ITM2C: variants seen among roughly 807,000 people sequenced by gnomAD.
ITM2C encodes integral membrane protein 2C.
ITM2C carries 20 observed loss-of-function variants against 30.0 expected under a neutral mutation model. That is an observed-to-expected ratio of 0.67 (90% CI 0.47 to 0.97). The LOEUF (loss-of-function observed/expected upper bound fraction) is 0.97, where lower values mean the gene tolerates loss of function less well. Among genes scored for constraint, ITM2C ranks in the 50% least tolerant of loss-of-function variants. The pLI, the probability that ITM2C is intolerant of heterozygous loss-of-function variation, is 0.00. For synonymous variants in ITM2C, 167 were observed against 156.4 expected, an observed-to-expected ratio of 1.07 and a Z score of -0.51; for missense variants, 366 against 371.9, an observed-to-expected ratio of 0.98 and a Z score of 0.13.
Position 230,875,818 on chromosome 2 carries a change from G to T in ITM2C, c.450+10G>T, listed in dbSNP as rs1697281553. 2.1e-6 allele frequency: 1 copy of T among 482,704 alleles called. No homozygotes were observed. 29.9% of individuals were successfully genotyped at this position (482,704 alleles called of 1,614,324 possible). ...CCATGACTTCCAGCGGGTGAGGCTGGCCAGGGCCTGGGGGTGGGGGGTGGG... is the reference window on the plus strand; with the variant it reads ...CCATGACTTCCAGCGGGTGAGGCTGTCCAGGGCCTGGGGGTGGGGGGTGGG... On this transcript the variant is annotated intron_variant, in intron 3 of 5. Transcript: ENST00000326427.
In ITM2C at chr2:230,877,345, G is replaced by A; in HGVS notation, c.562-55G>A. The A allele has an allele frequency of 1.1e-5, 18 of 1,590,050 alleles. No individual in the cohort carries two copies. Among genetic ancestry groups the A allele is most frequent in the Non-Finnish European group, 1.4e-5 (16 of 1,163,074 alleles). On this transcript the variant is annotated intron_variant, in intron 4 of 5. Transcript: ENST00000326427. This position sits in a 1 kb window ranked among gnomAD's most constrained non-coding sequence, Gnocchi z 4.8. ...AGGTGGGCTGGCATTTCGGGCGAGG[G>A]GTTGGACGAAAGCCTGAGGGGCCGA...
In ITM2C at chr2:230,879,195, A is replaced by G. The variant is rs1176030082; in HGVS notation, c.*1096A>G. 6.6e-6 allele frequency: 1 copy of G among 152,610 alleles called. No homozygotes were observed. The highest frequency in any genetic ancestry group is 2.4e-5 in the African/African-American group (1 of 41,420). 9.5% of individuals were successfully genotyped at this position (152,610 alleles called of 1,614,324 possible). Reference sequence around the variant, plus strand: ...CTTAAATGCTTTGTATATTTTCTCAATTAGATCTCTTTTCAGAAGTGTCTA... The same window carrying G: ...CTTAAATGCTTTGTATATTTTCTCAGTTAGATCTCTTTTCAGAAGTGTCTA... On this transcript the variant is annotated 3_prime_UTR_variant, in exon 6 of 6. Transcript: ENST00000326427.
At chr2:230,867,751 C>T (rs898959160) in intron 1 of ITM2C, among the ~76,000 whole-genome samples, 2 of 151,768 alleles carry the variant, frequency 1.3e-5, no homozygotes, top group East Asian at 1.9e-4. Context: ...CCTTCACTTC[C>T]AGGTTCAAGT....
At chr2:230,871,496 T>G (rs3098335) in intron 1 of ITM2C, among the ~76,000 whole-genome samples, 66,668 of 152,170 alleles carry the variant, frequency 0.44, 16,387 homozygotes, top group East Asian at 0.84. Context: ...GAGGGCCCTG[T>G]GCACTGTGGC....
intron 1 of ITM2C, among the ~76,000 whole-genome samples, chr2:230,870,164 C>T (rs1697128989): frequency 1.3e-5 from 2 of 152,218 alleles, no homozygotes; most frequent in Admixed American, 6.5e-5. Context: ...GTAAATACCC[C>T]GAGATCACAG....
At chr2:230,873,602 A>G in intron 2 of ITM2C, 45 bp downstream of exon 2, 1 of 1,554,286 alleles carries the variant, frequency 6.4e-7, no homozygotes, top group Non-Finnish European at 8.7e-7. Context: ...AGAAAGGGTC[A>G]TGTCTAGAGA....
chr2:230,876,488 C>CT (rs1324562046), intron 3 of ITM2C, among the ~76,000 whole-genome samples: 42 of 148,192 alleles, frequency 2.8e-4, no homozygotes, highest in Middle Eastern at 3.4e-3. Context: ...GGCCAAGCTG[C>CT]TTTTTTTTTT....
chr2:230,874,106 G>T (rs1429223336), intron 2 of ITM2C, among the ~76,000 whole-genome samples: 1 of 152,204 alleles, frequency 6.6e-6, no homozygotes, highest in African/African-American at 2.4e-5. Context: ...GGGAGGGAGT[G>T]TCGCTGTGTG....
chr2:230,878,229 T>G lies in ITM2C; in HGVS notation c.*130T>G. On this transcript the variant is annotated 3_prime_UTR_variant, in exon 6 of 6. Coordinates refer to ENST00000326427, the MANE Select transcript of ITM2C (RefSeq NM_030926.6). This position sits in a 1 kb window ranked among gnomAD's most constrained non-coding sequence, Gnocchi z 4.5. ...TCTATAGAGGTGACATGTCTCTCCATTCCTCTCCAACCCTGCCCACCTCCC... is the reference window on the plus strand; with the variant it reads ...TCTATAGAGGTGACATGTCTCTCCAGTCCTCTCCAACCCTGCCCACCTCCC... 1.2e-5 allele frequency: 7 copies of G among 565,750 alleles called. No homozygotes were observed. The highest frequency in any genetic ancestry group is 1.8e-5 in the Non-Finnish European group (6 of 332,812). 35.0% of individuals were successfully genotyped at this position (565,750 alleles called of 1,614,324 possible).
rs1490641606 is a variant in ITM2C, at chr2:230,869,528, G to A, written c.121-3889G>A. Among the ~76,000 whole-genome samples the A allele has an allele frequency of 2.0e-5, 3 of 152,312 alleles. No homozygotes were observed. The South Asian group carries it at 6.2e-4, about 32-fold the overall frequency. ...GCTGAGGACCAGGAGAGATGTGGGG[G>A]AGGTGAGATGAGACTGCCTCCCCAA... is the stretch of plus-strand genomic sequence containing the variant. On this transcript the variant is annotated intron_variant, in intron 1 of 5. Transcript: ENST00000326427.
intron 2 of ITM2C, among the ~76,000 whole-genome samples, chr2:230,875,049 C>T (rs985898667): frequency 1.5e-4 from 23 of 151,998 alleles, no homozygotes; most frequent in African/African-American, 5.1e-4. Context: ...CCTCCCCACC[C>T]GCCGTGTTAG....
intron 1 of ITM2C, among the ~76,000 whole-genome samples, chr2:230,868,463 T>TCACACACACACACA (rs10675424): frequency 1.3e-5 from 2 of 150,282 alleles, no homozygotes; most frequent in African/African-American, 4.9e-5. Flanking sequence ...GTGCCTGCAC[T>TCACACACACACACA]CACACACACA....
chr2:230,874,465 G>A (rs1005419930), intron 2 of ITM2C, among the ~76,000 whole-genome samples: 7 of 152,092 alleles, frequency 4.6e-5, no homozygotes, highest in Admixed American at 4.6e-4. Flanking sequence ...CCCTACCCTA[G>A]GACCTGGGCC....
At chr2:230,867,894 G>T (rs1170206961) in intron 1 of ITM2C, among the ~76,000 whole-genome samples, 1 of 152,142 alleles carries the variant, frequency 6.6e-6, no homozygotes, top group Non-Finnish European at 1.5e-5. Context: ...CCTGACCTCA[G>T]GTGATCTTCC....
In ITM2C at chr2:230,865,941, CG is replaced by C. The variant is rs1223411359; in HGVS notation, c.120+799del. 6.8e-6 allele frequency among the ~76,000 whole-genome samples: 1 copy of C among 146,390 alleles called. No homozygotes were observed. Among genetic ancestry groups the C allele is most frequent in the Non-Finnish European group, 1.5e-5 (1 of 66,634 alleles). ...CCAGTGCCCTTGCATCCTGGGTCCCCGGGCTCTGTGCGCGTTCCCCCACCCC... is the reference window on the plus strand; with the variant it reads ...CCAGTGCCCTTGCATCCTGGGTCCCCGGCTCTGTGCGCGTTCCCCCACCCC... On this transcript the variant is annotated intron_variant, in intron 1 of 5. Coordinates refer to ENST00000326427, the MANE Select transcript of ITM2C (RefSeq NM_030926.6). The surrounding 1 kb of genome is among the most constrained non-coding windows in gnomAD (Gnocchi z 6.8).
At chr2:230,866,278 C>T (rs1032549642) in intron 1 of ITM2C, among the ~76,000 whole-genome samples, 3 of 152,252 alleles carry the variant, frequency 2.0e-5, no homozygotes, top group African/African-American at 7.2e-5. Flanking sequence ...CCACTGCTTC[C>T]CCACTTCCAG....
Position 230,875,611 on chromosome 2 carries a change from C to T in ITM2C, c.262-9C>T, listed in dbSNP as rs771886729. ...TCTGACTGTCTGTCTGTCTCTCCGC[C>T]TTGCTCAGCTGGCCCGAGATAACTT... On this transcript the variant is annotated splice_polypyrimidine_tract_variant and intron_variant, in intron 2 of 5. Transcript: ENST00000326427. 2.5e-6 allele frequency: 4 copies of T among 1,591,210 alleles called. No individual in the cohort carries two copies. Among genetic ancestry groups the T allele is most frequent in the Non-Finnish European group, 3.4e-6 (4 of 1,168,296 alleles).
Position 230,875,721 on chromosome 2 carries a change from C to A in ITM2C, c.363C>A (p.Tyr121Ter). The change falls in exon 3 of 6, where the codon TAC becomes TAA. Residue 121 changes from tyrosine (Y) to a stop codon, truncating the protein, a stop_gained. Transcript: ENST00000326427. LOFTEE classifies it high-confidence loss of function. ...AGCTGGAAGAGGATGTGAAAATCTA[C>A]CTCGACGAGAACTACGAGCGCATCA... The part of the protein sequence containing the change: ...QMELEEDVKI[Y>*]LDENYERINV... 6.2e-7 allele frequency: 1 copy of A among 1,613,872 alleles called. No individual in the cohort carries two copies. The highest frequency in any genetic ancestry group is 8.5e-7 in the Non-Finnish European group (1 of 1,179,944).
chr2:230,878,271 T>C lies in ITM2C; in HGVS notation c.*172T>C. The C allele has an allele frequency of 2.3e-6, 1 of 440,116 alleles. No homozygotes were observed. Among genetic ancestry groups the C allele is most frequent in the Non-Finnish European group, 4.0e-6 (1 of 248,948 alleles). The allele number at this position is 440,116 out of a possible 1,614,324, so 27.3% of individuals were successfully genotyped here. A position where few individuals can be genotyped will look rare whatever the true frequency, so the allele number is the denominator to read the frequency against. Reference sequence around the variant, plus strand: ...CCACCTCCCTGTACCAGAGCTGTGATCTCTCGGTGGGGGGCCCATCTCTGC... The same window carrying C: ...CCACCTCCCTGTACCAGAGCTGTGACCTCTCGGTGGGGGGCCCATCTCTGC... On this transcript the variant is annotated 3_prime_UTR_variant, in exon 6 of 6. Transcript: ENST00000326427. This position sits in a 1 kb window ranked among gnomAD's most constrained non-coding sequence, Gnocchi z 4.5.
Sources: gnomAD v4.1 joint callset for allele counts (sites outside exome capture counted in the v4.1 genomes callset) on GRCh38, gnomAD v4.1.1 for gene constraint, Gnocchi (gnomAD v3.1) non-coding constraint, MANE v1.5 for transcripts, NCBI Gene and HGNC (gene_info 2026-07-23, HGNC 2026-07-21) for gene names.